PUDP: variants seen among roughly 807,000 people sequenced by gnomAD.
PUDP encodes pseudouridine-5'-phosphatase.
PUDP carries 8 observed loss-of-function variants against 9.4 expected under a neutral mutation model. The observed-to-expected ratio is 0.85, with a 90% confidence interval of 0.50 to 1.53. PUDP has a LOEUF of 1.53. Among genes scored for constraint, PUDP ranks in the 40% most tolerant of loss-of-function variants. The pLI is 0.00. For missense variants in PUDP, 188 were observed against 189.7 expected (o/e 0.99, Z 0.05); for synonymous variants, 99 against 80.7 (o/e 1.23, Z -1.22).
At chrX:7,043,857 C>T (rs1381467304) in intron 1 of PUDP, among the ~76,000 whole-genome samples, 2 of 111,635 alleles carry the variant, frequency 1.8e-5, no homozygotes, top group African/African-American at 3.3e-5. Flanking sequence ...TATAACACCT[C>T]GGATCTTTAT....
At chrX:6,709,531 G>A (rs940348829) in intron 1 of PUDP, among the ~76,000 whole-genome samples, 15 of 112,024 alleles carry the variant, frequency 1.3e-4, no homozygotes, top group East Asian at 2.8e-4. Flanking sequence ...CACCCGAAGC[G>A]TTTATCACTG....
intron 1 of PUDP, among the ~76,000 whole-genome samples, chrX:7,144,295 A>G (rs1259561823): frequency 8.9e-6 from 1 of 112,423 alleles, no homozygotes; most frequent in Non-Finnish European, 1.9e-5. Flanking sequence ...GTCAAATGAC[A>G]ACATACATAG....
chrX:6,931,617 G>A (rs1928192383), intron 3 of PUDP, among the ~76,000 whole-genome samples: 1 of 112,128 alleles, frequency 8.9e-6, no homozygotes, highest in Non-Finnish European at 1.9e-5. Flanking sequence ...TTGCTGCAGA[G>A]CCAGCCAGTC....
chrX:7,025,502 G>C (rs1478035632), intron 1 of PUDP, among the ~76,000 whole-genome samples: 1 of 111,951 alleles, frequency 8.9e-6, no homozygotes, highest in Non-Finnish European at 1.9e-5. Flanking sequence ...ATCATTGTGG[G>C]GATGTAGTAC....
At chrX:6,727,553 T>C (rs1366264405) in intron 3 of PUDP, among the ~76,000 whole-genome samples, 1 of 112,239 alleles carries the variant, frequency 8.9e-6, no homozygotes, top group African/African-American at 3.2e-5. Flanking sequence ...TGTGCACTCC[T>C]GTCTTGTTGG....
intron 3 of PUDP, among the ~76,000 whole-genome samples, chrX:6,872,256 A>G (rs7473022): frequency 0.092 from 10,298 of 111,405 alleles, 607 homozygotes; most frequent in East Asian, 0.46. Context: ...TGGCTTGCAC[A>G]CAGCTGTCTT....
chrX:6,751,942 C>T (rs1018863295), intron 3 of PUDP, among the ~76,000 whole-genome samples: 6 of 110,723 alleles, frequency 5.4e-5, no homozygotes, highest in Admixed American at 1.9e-4. Flanking sequence ...TCCTCCCTGG[C>T]CACTTTGTTC....
At chrX:7,070,244 G>A (rs770809203) in intron 3 of PUDP, among the ~76,000 whole-genome samples, 25 of 112,379 alleles carry the variant, frequency 2.2e-4, no homozygotes, top group Middle Eastern at 4.6e-3. Flanking sequence ...AACCGTGAAG[G>A]TCCTTGTTAT....
intron 3 of PUDP, among the ~76,000 whole-genome samples, chrX:6,825,033 G>C (rs1926402889): frequency 9.0e-6 from 1 of 111,465 alleles, no homozygotes; most frequent in Non-Finnish European, 1.9e-5. Context: ...AAGTCTATGG[G>C]ATTCTGTTGT....
intron 1 of PUDP, among the ~76,000 whole-genome samples, chrX:6,990,970 G>A (rs1157977563): frequency 8.9e-6 from 1 of 112,365 alleles, no homozygotes; most frequent in African/African-American, 3.2e-5. Context: ...CTCTCTGCAC[G>A]GGCACAAGAG....
intron 3 of PUDP, among the ~76,000 whole-genome samples, chrX:6,940,945 A>G (rs1928389581): frequency 8.9e-6 from 1 of 111,993 alleles, no homozygotes; most frequent in Non-Finnish European, 1.9e-5. Flanking sequence ...ACTGACAAAA[A>G]CCTTATATAT....
At chrX:6,943,591 A>G (rs1189822246) in intron 3 of PUDP, among the ~76,000 whole-genome samples, 1 of 112,231 alleles carries the variant, frequency 8.9e-6, no homozygotes, top group Non-Finnish European at 1.9e-5. Flanking sequence ...TACCCTAAAT[A>G]CAAGACATTT....
intron 1 of PUDP, among the ~76,000 whole-genome samples, chrX:7,145,515 T>A (rs1425738211): frequency 9.0e-6 from 1 of 111,592 alleles, no homozygotes; most frequent in African/African-American, 3.3e-5. Flanking sequence ...TTTCTCTGAA[T>A]GGCATTTGAG....
intron 3 of PUDP, among the ~76,000 whole-genome samples, chrX:6,931,830 T>C (rs1928195462): frequency 9.0e-6 from 1 of 111,046 alleles, no homozygotes; most frequent in African/African-American, 3.3e-5. Flanking sequence ...CCCTACTCTA[T>C]CTATAGTCTT....
intron 3 of PUDP, among the ~76,000 whole-genome samples, chrX:6,951,253 C>CA (rs1407054483): frequency 1.6e-4 from 17 of 104,717 alleles, no homozygotes; most frequent in African/African-American, 6.6e-4. Context: ...TCATATCTAT[C>CA]TATCTATCTA....
intron 3 of PUDP, among the ~76,000 whole-genome samples, chrX:6,866,019 C>T (rs754655031): frequency 9.0e-6 from 1 of 111,641 alleles, no homozygotes; most frequent in Non-Finnish European, 1.9e-5. Flanking sequence ...CTCACAGTCT[C>T]AAGCAATCCT....
intron 3 of PUDP, among the ~76,000 whole-genome samples, chrX:6,770,244 A>G (rs1056863127): frequency 8.9e-6 from 1 of 112,741 alleles, no homozygotes; most frequent in African/African-American, 3.2e-5. Flanking sequence ...ATCTGGCCAC[A>G]CACATTCATT....
In PUDP at chrX:7,101,248, C is replaced by T. The variant is rs1466810472; in HGVS notation, c.280+4372G>A. On this transcript the variant is annotated intron_variant, in intron 2 of 3. Coordinates refer to ENST00000381077, the MANE Select transcript of PUDP (RefSeq NM_012080.5). Reference sequence around the variant, plus strand: ...AAGTATATGCGTGTGCACACACACGCGCACACACAAATCATATGCCAAAAA... The same window carrying T: ...AAGTATATGCGTGTGCACACACACGTGCACACACAAATCATATGCCAAAAA... Among the ~76,000 whole-genome samples the T allele has an allele frequency of 2.7e-5, 3 of 110,857 alleles. No homozygotes were observed. The South Asian group carries it at 1.1e-3, about 42-fold the overall frequency.
chrX:6,932,546 C>T (rs927908377), intron 3 of PUDP, among the ~76,000 whole-genome samples: 3 of 111,449 alleles, frequency 2.7e-5, no homozygotes, highest in Non-Finnish European at 5.7e-5. Context: ...GTGAGCGACG[C>T]AGAAGACGGT....
Sources: allele counts gnomAD v4.1 joint callset (sites outside exome capture counted in the v4.1 genomes callset), GRCh38; gene constraint gnomAD v4.1.1; transcripts MANE v1.5; gene names NCBI Gene and HGNC (gene_info 2026-07-23, HGNC 2026-07-21).